The following JPH4 variants were observed in gnomAD, a reference collection of about 807,000 sequenced individuals.
JPH4 encodes junctophilin 4, also known as junctophilin-4.
In JPH4, 18 loss-of-function variants were observed where a neutral mutation model predicts 57.6. The ratio of observed to expected loss-of-function variants is 0.31; its 90% CI spans 0.22 to 0.46. The LOEUF (loss-of-function observed/expected upper bound fraction) is 0.46, where lower values mean the gene tolerates loss of function less well. JPH4 is among the 20% of genes least tolerant of loss of function. JPH4 has a pLI of 1.00. For synonymous variants in JPH4, 425 were observed against 406.6 expected, an observed-to-expected ratio of 1.05 and a Z score of -0.54; for missense variants, 727 against 911.1, an observed-to-expected ratio of 0.80 and a Z score of 2.60.
intron 3 of JPH4, among the ~76,000 whole-genome samples, chr14:23,573,495 G>A (rs138378371): frequency 6.6e-6 from 1 of 152,164 alleles, no homozygotes; most frequent in Non-Finnish European, 1.5e-5. Flanking sequence ...GAGTTATTTT[G>A]GTGGCCTGAA....
At chr14:23,574,383 G>T (rs1307168074) in intron 3 of JPH4, among the ~76,000 whole-genome samples, 1 of 152,132 alleles carries the variant, frequency 6.6e-6, no homozygotes, top group Non-Finnish European at 1.5e-5. Flanking sequence ...TGTTGGCCAG[G>T]CTGGTCTTGA....
intron 1 of JPH4, 97 bp downstream of exon 1, chr14:23,578,083 G>C (rs1457005801): frequency 1.4e-5 from 2 of 143,400 alleles, no homozygotes; most frequent in Non-Finnish European, 3.0e-5. Context: ...GTTTTTCGGG[G>C]GGTTTTTCGG....
At chr14:23,574,200 C>T (rs1363206468) in intron 3 of JPH4, among the ~76,000 whole-genome samples, 6 of 148,162 alleles carry the variant, frequency 4.0e-5, no homozygotes, top group African/African-American at 1.3e-4. Context: ...TTTAGACTGG[C>T]GTTCACTTTT....
At position 23,577,622 on chromosome 14, in the gene JPH4, T is replaced by A; in HGVS notation, c.-169A>T. ...GGCAGGGCCGGACCCTCATCCTGAG[T>A]GGCTGCGGAGAAAGAGGGAGGGGGG... On this transcript the variant is annotated splice_region_variant and 5_prime_UTR_variant, in exon 2 of 6. Transcript: ENST00000356300. The surrounding 1 kb of genome is among the most constrained non-coding windows in gnomAD (Gnocchi z 8.4). 2.2e-6 allele frequency: 1 copy of A among 459,430 alleles called. No individual in the cohort carries two copies. 28.5% of individuals were successfully genotyped at this position (459,430 alleles called of 1,614,324 possible).
intron 3 of JPH4, among the ~76,000 whole-genome samples, chr14:23,574,334 C>T (rs938884278): frequency 2.6e-5 from 4 of 152,006 alleles, no homozygotes; most frequent in Non-Finnish European, 1.5e-5. Flanking sequence ...GCCACCACAC[C>T]GAGCTAATTT....
Position 23,575,851 on chromosome 14 carries a change from C to A in JPH4, c.985G>T (p.Glu329Ter). 6.3e-7 allele frequency: 1 copy of A among 1,585,912 alleles called. No homozygotes were observed. The highest frequency in any genetic ancestry group is 2.3e-5 in the East Asian group (1 of 43,438). Residue 329 changes from glutamate (E) to a stop codon, truncating the protein, a stop_gained, in exon 3 of 6, where the codon GAG becomes TAG. Transcript: ENST00000356300. LOFTEE classifies it high-confidence loss of function. The surrounding 1 kb of genome is among the most constrained non-coding windows in gnomAD (Gnocchi z 6.9). Reference sequence around the variant, plus strand: ...AGCCGGTTGCGCTTGTACTTGCCCTCCTCGCGGGAGCCGTCGGGGCGGGTG... The same window carrying A: ...AGCCGGTTGCGCTTGTACTTGCCCTACTCGCGGGAGCCGTCGGGGCGGGTG... ...RTTRPDGSREEGKYKRNRLVH... is the reference protein window; with the variant it reads ...RTTRPDGSRE
In JPH4 at chr14:23,575,158, C is replaced by T. The variant is rs1889241750; in HGVS notation, c.1151+527G>A. 6.5e-6 allele frequency: 1 copy of T among 154,792 alleles called. No homozygotes were observed. The highest frequency in any genetic ancestry group is 6.5e-5 in the Admixed American group (1 of 15,364). 9.6% of individuals were successfully genotyped at this position (154,792 alleles called of 1,614,324 possible). ...AGGGGGCAAAACTGGGAGAGACTAT[C>T]TTTTCAGGTGGATAGGTCAGCTGTA... is the stretch of plus-strand genomic sequence containing the variant. On this transcript the variant is annotated intron_variant, in intron 3 of 5. Transcript: ENST00000356300. The surrounding 1 kb of genome is among the most constrained non-coding windows in gnomAD (Gnocchi z 6.9).
rs755507214 is a variant in JPH4 at position 23,577,253 on chromosome 14, C to G, written c.201G>C (p.Gln67His). 1.3e-6 allele frequency: 2 copies of G among 1,536,902 alleles called. No homozygotes were observed. The highest frequency in any genetic ancestry group is 2.5e-5 in the East Asian group (1 of 40,660). The change falls in exon 2 of 6, where the codon CAG becomes CAC. Residue 67 changes from glutamine (Q) to histidine (H), a missense_variant. Around this residue, in one of 7 missense-constraint regions of JPH4, gnomAD observed 83 missense variants for 135.4 expected, o/e 0.61. Transcript: ENST00000356300. The surrounding 1 kb of genome is among the most constrained non-coding windows in gnomAD (Gnocchi z 8.4). ...GGHSYQGHWQ[Q>H]GKREGLGVER... ...CCACGCCCAGCCCTTCGCGCTTGCC[C>G]TGCTGCCAGTGGCCCTGGTAGCTGT...
intron 3 of JPH4, chr14:23,574,917 G>A (rs1391693853): frequency 5.3e-6 from 1 of 188,972 alleles, no homozygotes; most frequent in Non-Finnish European, 1.1e-5. Flanking sequence ...GTCTACAGGT[G>A]TGTGCCACAA....
At position 23,576,945 on chromosome 14, in the gene JPH4, T is replaced by G; in HGVS notation, c.379+130A>C. The stretch of plus-strand genomic sequence containing the variant: ...GAGAGCAGAAATTGGGGGCTGGGGG[T>G]CACATCGATGGGGAATGGTGGCGGG... On this transcript the variant is annotated intron_variant, in intron 2 of 5. Coordinates refer to ENST00000356300, the MANE Select transcript of JPH4 (RefSeq NM_001146028.2). The surrounding 1 kb of genome is among the most constrained non-coding windows in gnomAD (Gnocchi z 8.0). The G allele has an allele frequency of 9.2e-7, 1 of 1,092,178 alleles. No homozygotes were observed. 67.7% of individuals were successfully genotyped at this position (1,092,178 alleles called of 1,614,324 possible). A position where few individuals can be genotyped will look rare whatever the true frequency, so the allele number is the denominator to read the frequency against.
intron 5 of JPH4, among the ~76,000 whole-genome samples, chr14:23,570,586 GGA>G (rs1020416315): frequency 1.2e-4 from 18 of 152,054 alleles, no homozygotes; most frequent in African/African-American, 4.1e-4. Flanking sequence ...GTATTAGCCA[GGA>G]TGGTCTCGAT....
chr14:23,578,739 G>T lies in JPH4; in HGVS notation c.-731C>A. 1 of 151,894 alleles carries T rather than the reference G, an allele frequency of 6.6e-6. No homozygotes were observed. The highest frequency in any genetic ancestry group is 1.5e-5 in the Non-Finnish European group (1 of 68,192). 9.4% of individuals were successfully genotyped at this position (151,894 alleles called of 1,614,324 possible). A position where few individuals can be genotyped will look rare whatever the true frequency, so the allele number is the denominator to read the frequency against. On this transcript the variant is annotated 5_prime_UTR_variant, in exon 1 of 6. Coordinates refer to ENST00000356300, the MANE Select transcript of JPH4 (RefSeq NM_001146028.2). ...CCCAAGCAGAAAAGGATGGGTGTCC[G>T]CTAACCCTTCGGTGAGGGAGGAGGC... is the stretch of plus-strand genomic sequence containing the variant.
intron 3 of JPH4, among the ~76,000 whole-genome samples, chr14:23,573,436 G>T (rs1889199754): frequency 6.6e-6 from 1 of 152,234 alleles, no homozygotes; most frequent in South Asian, 2.1e-4. Context: ...GGGCTGTCAA[G>T]GGCACCTGTT....
rs1418652609 is a variant in JPH4 at position 23,576,013 on chromosome 14, C to G, written c.823G>C (p.Glu275Gln). The change falls in exon 3 of 6, where the codon GAG becomes CAG. Residue 275 changes from glutamate to glutamine, a missense_variant. Around this residue, in one of 7 missense-constraint regions of JPH4, gnomAD observed 112 missense variants for 199.4 expected, o/e 0.56. Coordinates refer to ENST00000356300, the MANE Select transcript of JPH4 (RefSeq NM_001146028.2). The surrounding 1 kb of genome is among the most constrained non-coding windows in gnomAD (Gnocchi z 8.0). ...PPAAAPPALI[E>Q]GSATEVYAGE... ...GCGTACACCTCTGTGGCCGAGCCCT[C>G]GATGAGGGCGGGCGGCGCTGCGGCC... 1 of 1,407,364 alleles carries G rather than the reference C, an allele frequency of 7.1e-7. No individual in the cohort carries two copies. Among genetic ancestry groups the G allele is most frequent in the Non-Finnish European group, 9.2e-7 (1 of 1,088,844 alleles). The allele number at this position is 1,407,364 out of a possible 1,614,324, so 87.2% of individuals were successfully genotyped here. A position where few individuals can be genotyped will look rare whatever the true frequency, so the allele number is the denominator to read the frequency against.
Position 23,568,688 on chromosome 14 carries a change from G to C in JPH4, c.*946C>G, listed in dbSNP as rs78910566. On this transcript the variant is annotated 3_prime_UTR_variant, in exon 6 of 6. Coordinates refer to ENST00000356300, the MANE Select transcript of JPH4 (RefSeq NM_001146028.2). ...CCTCCCACCACAACTCCCAGAGTTG[G>C]GATGTGGGGGCCTTGCTCAAGTGCC... 1.8e-4 allele frequency: 175 copies of C among 985,890 alleles called. 4 individuals are homozygous for C. In the East Asian group the frequency reaches 0.015, roughly 86 times the overall value. 61.1% of individuals were successfully genotyped at this position (985,890 alleles called of 1,614,324 possible). A position where few individuals can be genotyped will look rare whatever the true frequency, so the allele number is the denominator to read the frequency against.
At chr14:23,574,018 G>T (rs1245524407) in intron 3 of JPH4, among the ~76,000 whole-genome samples, 1 of 150,854 alleles carries the variant, frequency 6.6e-6, no homozygotes, top group African/African-American at 2.5e-5. Context: ...AGCATATTTG[G>T]ACATATCCTG....
At chr14:23,572,445 C>T (rs1889176419) in intron 3 of JPH4, among the ~76,000 whole-genome samples, 1 of 152,024 alleles carries the variant, frequency 6.6e-6, no homozygotes, top group Admixed American at 6.5e-5. Flanking sequence ...TGATCCTCCC[C>T]TCCAAGCAGC....
Position 23,575,655 on chromosome 14 carries a change from C to T in JPH4, c.1151+30G>A, listed in dbSNP as rs376878074. On this transcript the variant is annotated intron_variant, in intron 3 of 5. Coordinates refer to ENST00000356300, the MANE Select transcript of JPH4 (RefSeq NM_001146028.2). The surrounding 1 kb of genome is among the most constrained non-coding windows in gnomAD (Gnocchi z 6.9). ...CCCCAGCGCACCCCCTCCTCTTAGC[C>T]CAGCTTTGGCCTCTGAACTGGACGC... The T allele has an allele frequency of 6.3e-7, 1 of 1,577,202 alleles. No homozygotes were observed. Among genetic ancestry groups the T allele is most frequent in the Non-Finnish European group, 8.6e-7 (1 of 1,164,086 alleles).
Position 23,569,721 on chromosome 14 carries a change from G to C in JPH4, c.1804-4C>G. 1 of 1,545,786 alleles carries C rather than the reference G, an allele frequency of 6.5e-7. No individual in the cohort carries two copies. Among genetic ancestry groups the C allele is most frequent in the Non-Finnish European group, 8.7e-7 (1 of 1,143,228 alleles). Reference sequence around the variant, plus strand: ...CCACCAGGGGGTTGGCAGCTCCCTAGAGAGACAGAGGGGGAAGCAGACTCA... The same window carrying C: ...CCACCAGGGGGTTGGCAGCTCCCTACAGAGACAGAGGGGGAAGCAGACTCA... On this transcript the variant is annotated splice_region_variant and splice_polypyrimidine_tract_variant and intron_variant, in intron 5 of 5. Transcript: ENST00000356300. The surrounding 1 kb of genome is among the most constrained non-coding windows in gnomAD (Gnocchi z 4.8).
Sources: allele counts gnomAD v4.1 joint callset (sites outside exome capture counted in the v4.1 genomes callset), GRCh38; gene constraint gnomAD v4.1.1; regional missense constraint gnomAD v4.1.1; non-coding constraint Gnocchi (gnomAD v3.1); transcripts MANE v1.5; gene names NCBI Gene and HGNC (gene_info 2026-07-23, HGNC 2026-07-21).